COG5: variants seen among roughly 807,000 people sequenced by gnomAD.
COG5 encodes the protein conserved oligomeric Golgi complex subunit 5.
In COG5, 86 loss-of-function variants were observed where a neutral mutation model predicts 110.4. The observed-to-expected ratio is 0.78, with a 90% confidence interval of 0.65 to 0.93. COG5 has a LOEUF of 0.93. Among genes scored for constraint, COG5 ranks in the 40% least tolerant of loss-of-function variants. The pLI is 0.00. For missense variants in COG5, 1,077 were observed against 987.0 expected (o/e 1.09, Z -1.22); for synonymous variants, 360 against 334.6 (o/e 1.08, Z -0.83).
At chr7:107,339,378 T>C (rs1163817161) in intron 10 of COG5, among the ~76,000 whole-genome samples, 1 of 152,088 alleles carries the variant, frequency 6.6e-6, no homozygotes, top group Non-Finnish European at 1.5e-5. Flanking sequence ...ATAAAACAAG[T>C]TCTCAGAGAC....
chr7:107,440,047 C>T (rs147463258), intron 6 of COG5, among the ~76,000 whole-genome samples: 257 of 152,250 alleles, frequency 1.7e-3, no homozygotes, highest in African/African-American at 5.9e-3. Flanking sequence ...GAAAGGTAGG[C>T]CGAATTTAAT....
chr7:107,381,571 T>C (rs998885862), intron 7 of COG5, among the ~76,000 whole-genome samples: 5 of 152,248 alleles, frequency 3.3e-5, no homozygotes, highest in Non-Finnish European at 7.3e-5. Context: ...ATTGTTGTCT[T>C]GTTTTTATCC....
At position 107,201,413 on chromosome 7, in the gene COG5, G is replaced by C; in HGVS notation, c.*2103C>G. The C allele has an allele frequency of 6.4e-7, 1 of 1,570,292 alleles. No individual in the cohort carries two copies. Among genetic ancestry groups the C allele is most frequent in the Non-Finnish European group, 8.8e-7 (1 of 1,141,610 alleles). On this transcript the variant is annotated 3_prime_UTR_variant, in exon 22 of 22. Coordinates refer to ENST00000297135, the MANE Select transcript of COG5 (RefSeq NM_006348.5). ...CACTGAGTTTAATTTTATTTCCACA[G>C]GGCTCACAACAACATTAAACCAGGA...
chr7:107,544,982 AC>A (rs1430845662), intron 5 of COG5, among the ~76,000 whole-genome samples: 1 of 152,238 alleles, frequency 6.6e-6, no homozygotes, highest in Non-Finnish European at 1.5e-5. Flanking sequence ...ACTAAAGAAC[AC>A]AATGACTGAA....
intron 14 of COG5, among the ~76,000 whole-genome samples, chr7:107,275,307 T>C (rs1584607911): frequency 6.7e-6 from 1 of 148,300 alleles, no homozygotes; most frequent in Non-Finnish European, 1.5e-5. Flanking sequence ...AAAAAAAGGA[T>C]CAAGAGGCTA....
At chr7:107,277,875 C>T (rs903532892) in intron 14 of COG5, among the ~76,000 whole-genome samples, 15 of 152,016 alleles carry the variant, frequency 9.9e-5, no homozygotes, top group African/African-American at 2.9e-4. Flanking sequence ...GAAAAAAATA[C>T]GTAATCATAA....
chr7:107,310,586 A>G (rs1346721564), intron 11 of COG5, among the ~76,000 whole-genome samples: 1 of 152,250 alleles, frequency 6.6e-6, no homozygotes, highest in Non-Finnish European at 1.5e-5. Context: ...TGTGTGGAAT[A>G]CAACCCAAAA....
chr7:107,527,137 T>C (rs886956173), intron 6 of COG5, 100 bp downstream of exon 6: 8 of 1,062,870 alleles, frequency 7.5e-6, no homozygotes, highest in East Asian at 5.3e-5. Flanking sequence ...ATTTGTTTAA[T>C]AGTACTTGCT....
chr7:107,512,274 C>T (rs575179745), intron 6 of COG5, among the ~76,000 whole-genome samples: 11 of 152,280 alleles, frequency 7.2e-5, no homozygotes, highest in African/African-American at 2.6e-4. Context: ...AGAGCCAAAT[C>T]ATGAGTGAAC....
At chr7:107,395,302 G>A (rs1320837157) in intron 7 of COG5, among the ~76,000 whole-genome samples, 1 of 151,886 alleles carries the variant, frequency 6.6e-6, no homozygotes, top group Non-Finnish European at 1.5e-5. Context: ...AGATAGGGAG[G>A]GAGAAGTAAA....
At chr7:107,488,547 A>G (rs936409128) in intron 6 of COG5, among the ~76,000 whole-genome samples, 12 of 152,182 alleles carry the variant, frequency 7.9e-5, no homozygotes, top group African/African-American at 2.9e-4. Flanking sequence ...ATTTGGTTTA[A>G]GCCAAAAGAA....
intron 7 of COG5, among the ~76,000 whole-genome samples, chr7:107,384,765 A>G (rs770751444): frequency 6.6e-6 from 1 of 152,168 alleles, no homozygotes; most frequent in Non-Finnish European, 1.5e-5. Context: ...GGCTGTCTGT[A>G]AGCAAGAAGC....
chr7:107,412,635 G>T lies in COG5; in HGVS notation c.539-3C>A. Reference sequence around the variant, plus strand: ...ATCTATTCCTTGAGAAAGATAATCTGTTTAAAACAAAAACATACACATTCA... The same window carrying T: ...ATCTATTCCTTGAGAAAGATAATCTTTTTAAAACAAAAACATACACATTCA... On this transcript the variant is annotated splice_polypyrimidine_tract_variant and splice_region_variant and intron_variant, in intron 6 of 21. Coordinates refer to ENST00000297135, the MANE Select transcript of COG5 (RefSeq NM_006348.5). 1 of 1,475,622 alleles carries T rather than the reference G, an allele frequency of 6.8e-7. No individual in the cohort carries two copies. Among genetic ancestry groups the T allele is most frequent in the Non-Finnish European group, 9.4e-7 (1 of 1,062,996 alleles). The allele number at this position is 1,475,622 out of a possible 1,614,324, so 91.4% of individuals were successfully genotyped here. A position where few individuals can be genotyped will look rare whatever the true frequency, so the allele number is the denominator to read the frequency against.
intron 6 of COG5, among the ~76,000 whole-genome samples, chr7:107,454,624 A>C (rs1310670098): frequency 6.6e-6 from 1 of 152,198 alleles, no homozygotes; most frequent in East Asian, 1.9e-4. Context: ...AACCCATAGT[A>C]TCATAAGAAA....
chr7:107,479,048 A>C (rs914343664), intron 6 of COG5, among the ~76,000 whole-genome samples: 4 of 152,150 alleles, frequency 2.6e-5, no homozygotes, highest in African/African-American at 9.6e-5. Context: ...ATTACCCTCA[A>C]GAGCTTAAAA....
chr7:107,268,576 A>T (rs560887761), intron 14 of COG5, among the ~76,000 whole-genome samples: 2 of 152,152 alleles, frequency 1.3e-5, no homozygotes, highest in South Asian at 4.2e-4. Context: ...GGCTTGACTG[A>T]CCCTCTTCCC....
intron 6 of COG5, among the ~76,000 whole-genome samples, chr7:107,509,309 G>A (rs1056205284): frequency 1.6e-4 from 25 of 152,114 alleles, no homozygotes; most frequent in African/African-American, 6.0e-4. Context: ...GATGGAAGAC[G>A]AAATGAATGA....
intron 5 of COG5, among the ~76,000 whole-genome samples, chr7:107,533,536 C>T (rs904367636): frequency 1.3e-5 from 2 of 151,006 alleles, no homozygotes; most frequent in African/African-American, 2.5e-5. Flanking sequence ...TATCAATAGC[C>T]GAATAGATCA....
chr7:107,272,530 C>G (rs1225142933), intron 14 of COG5, among the ~76,000 whole-genome samples: 2 of 152,196 alleles, frequency 1.3e-5, no homozygotes, highest in African/African-American at 4.8e-5. Flanking sequence ...TCTAAATTAA[C>G]TGAGACCTGT....
Sources: gnomAD v4.1 joint callset for allele counts (sites outside exome capture counted in the v4.1 genomes callset) on GRCh38, gnomAD v4.1.1 for gene constraint, MANE v1.5 for transcripts, NCBI Gene and HGNC (gene_info 2026-07-23, HGNC 2026-07-21) for gene names.